Variants in KALRN observed in about 807,000 individuals in gnomAD.
KALRN encodes kalirin RhoGEF kinase, also known as kalirin.
KALRN carries 70 observed loss-of-function variants against 353.7 expected under a neutral mutation model. The observed-to-expected ratio is 0.20, with a 90% CI of 0.16 to 0.24. KALRN has a LOEUF of 0.24. KALRN is among the 10% of genes least tolerant of loss of function. The pLI is 1.00. For synonymous variants in KALRN, 1,391 were observed against 1,434.8 expected, an observed-to-expected ratio of 0.97 and a Z score of 0.69; for missense variants, 2,791 against 3,756.7, an observed-to-expected ratio of 0.74 and a Z score of 6.72.
intron 1 of KALRN, among the ~76,000 whole-genome samples, chr3:124,154,872 T>G (rs1241974007): frequency 6.6e-6 from 1 of 152,196 alleles, no homozygotes; most frequent in Non-Finnish European, 1.5e-5. Flanking sequence ...ACTACAAGGC[T>G]ACAGTAACCA....
intron 11 of KALRN, among the ~76,000 whole-genome samples, chr3:124,386,024 T>G (rs1372703668): frequency 6.6e-6 from 1 of 152,168 alleles, no homozygotes; most frequent in Non-Finnish European, 1.5e-5. Flanking sequence ...ATCTTGGTTG[T>G]TACTGCTTCA....
chr3:124,628,792 G>A (rs777206209), intron 34 of KALRN, among the ~76,000 whole-genome samples: 1 of 125,070 alleles, frequency 8.0e-6, no homozygotes, highest in East Asian at 2.2e-4. Flanking sequence ...GTCTTGCCAT[G>A]ATGGCCAGGC....
At chr3:124,306,723 A>T (rs1451623940) in intron 6 of KALRN, among the ~76,000 whole-genome samples, 1 of 152,166 alleles carries the variant, frequency 6.6e-6, no homozygotes, top group Non-Finnish European at 1.5e-5. Flanking sequence ...AAAGCCAAAG[A>T]CAAGGAAAAC....
chr3:124,112,105 C>A (rs2063036401), intron 1 of KALRN, among the ~76,000 whole-genome samples: 1 of 151,988 alleles, frequency 6.6e-6, no homozygotes, highest in Non-Finnish European at 1.5e-5. Flanking sequence ...GATTTCGAGA[C>A]CAGACTGGCC....
At chr3:124,615,925 A>G (rs980651303) in intron 34 of KALRN, among the ~76,000 whole-genome samples, 1 of 152,178 alleles carries the variant, frequency 6.6e-6, no homozygotes, top group Admixed American at 6.5e-5. Context: ...GTGAAGACCT[A>G]GAAGAAAACC....
intron 14 of KALRN, among the ~76,000 whole-genome samples, chr3:124,414,111 A>C (rs1287097623): frequency 6.6e-6 from 1 of 152,106 alleles, no homozygotes; most frequent in Non-Finnish European, 1.5e-5. Context: ...AAAAAAGAAA[A>C]GAAACGGAAG....
At chr3:124,697,856 A>G in intron 55 of KALRN, 132 bp downstream of exon 55, 1 of 863,248 alleles carries the variant, frequency 1.2e-6, no homozygotes, top group East Asian at 2.9e-5. Context: ...GAGACAGGCT[A>G]TTGCTATATT....
At chr3:124,518,603 C>T in intron 33 of KALRN, 1 of 1,544,962 alleles carries the variant, frequency 6.5e-7, no homozygotes, top group Non-Finnish European at 8.7e-7. Context: ...GCTCAGAGGG[C>T]AACATGTTCC....
chr3:124,209,411 G>A (rs887327059), intron 1 of KALRN, among the ~76,000 whole-genome samples: 12 of 148,586 alleles, frequency 8.1e-5, no homozygotes, highest in Non-Finnish European at 3.0e-5. Flanking sequence ...GACTGGGGAG[G>A]CTGAGGCATG....
At chr3:124,675,409 A>C (rs901177283) in intron 49 of KALRN, 10 of 152,110 alleles carry the variant, frequency 6.6e-5, no homozygotes, top group African/African-American at 2.4e-4. Flanking sequence ...AATTTTCACC[A>C]TGAGCATGTT....
chr3:124,143,952 G>C (rs969071742), intron 1 of KALRN, among the ~76,000 whole-genome samples: 1 of 152,196 alleles, frequency 6.6e-6, no homozygotes, highest in Non-Finnish European at 1.5e-5. Flanking sequence ...GTAAGGGGGG[G>C]ATCTAAGGAG....
intron 10 of KALRN, among the ~76,000 whole-genome samples, chr3:124,357,463 G>T (rs545811458): frequency 3.3e-5 from 5 of 152,252 alleles, no homozygotes; most frequent in African/African-American, 1.2e-4. Flanking sequence ...CCATTACTTT[G>T]TTTGGCTTTA....
At chr3:124,630,854 T>A (rs1195991751) in intron 34 of KALRN, among the ~76,000 whole-genome samples, 9 of 152,024 alleles carry the variant, frequency 5.9e-5, no homozygotes. Flanking sequence ...CAAAACAAAC[T>A]CTTGTTCTCC....
At chr3:124,363,608 C>T (rs1487280010) in intron 10 of KALRN, among the ~76,000 whole-genome samples, 1 of 152,118 alleles carries the variant, frequency 6.6e-6, no homozygotes, top group Admixed American at 6.6e-5. Context: ...CTGGAACACA[C>T]CCAGAAAAGA....
chr3:124,160,717 G>A (rs1171538069), intron 1 of KALRN, among the ~76,000 whole-genome samples: 3 of 152,026 alleles, frequency 2.0e-5, no homozygotes, highest in South Asian at 2.1e-4. Flanking sequence ...CCTTGGTGTC[G>A]GAGGTGGTGA....
intron 1 of KALRN, among the ~76,000 whole-genome samples, chr3:124,182,372 G>A (rs1406170007): frequency 6.6e-6 from 1 of 152,198 alleles, no homozygotes; most frequent in Non-Finnish European, 1.5e-5. Context: ...GGAAAAAGCT[G>A]ACTTGACTTA....
rs1650489102 is a variant in KALRN at position 124,167,574 on chromosome 3, A to C, written c.74-60416A>C. On this transcript the variant is annotated intron_variant, in intron 1 of 59. Transcript: ENST00000682506. ...TAAGCATTTTGTTATTGAAGTGATC[A>C]ACATTCAAACTGTAGGCAAAAGGTG... Among the ~76,000 whole-genome samples the C allele has an allele frequency of 2.0e-5, 3 of 152,232 alleles. No individual in the cohort carries two copies. In the South Asian group the frequency reaches 6.2e-4, roughly 32 times the overall value.
chr3:124,554,714 T>C (rs2070996853), intron 33 of KALRN, among the ~76,000 whole-genome samples: 1 of 151,982 alleles, frequency 6.6e-6, no homozygotes, highest in South Asian at 2.1e-4. Flanking sequence ...TGGTAATCTA[T>C]AGCTGAATAT....
rs1437237692 is a variant in KALRN at position 124,651,744 on chromosome 3, C to A, written c.5795+806C>A. ...CTTTGACCTCCTGGGCTCAAGGGAT[C>A]CTCTCACCTCAGCCTCCCAAGTAGC... On this transcript the variant is annotated intron_variant, in intron 38 of 59. Transcript: ENST00000682506. Among the ~76,000 whole-genome samples, 3 of 151,118 alleles carry A rather than the reference C, an allele frequency of 2.0e-5. No homozygotes were observed. The East Asian group carries it at 5.9e-4, about 30-fold the overall frequency.
Sources: allele counts gnomAD v4.1 joint callset (sites outside exome capture counted in the v4.1 genomes callset), GRCh38; gene constraint gnomAD v4.1.1; transcripts MANE v1.5; gene names NCBI Gene and HGNC (gene_info 2026-07-23, HGNC 2026-07-21).